Variants in FBXL13 observed in about 807,000 individuals in gnomAD.
FBXL13 encodes F-box and leucine rich repeat protein 13.
In FBXL13, 67 loss-of-function variants were observed where a neutral mutation model predicts 83.6. That is an observed-to-expected ratio of 0.80 (90% CI 0.66 to 0.98). FBXL13 has a LOEUF of 0.98. Ranked by LOEUF, FBXL13 falls within the 50% of genes least tolerant of loss-of-function variation. The pLI, the probability that FBXL13 is intolerant of heterozygous loss-of-function variation, is 0.00. For synonymous variants in FBXL13, 272 were observed against 299.5 expected (o/e 0.91, Z 0.95); for missense variants, 822 against 866.5 (o/e 0.95, Z 0.64).
chr7:102,869,735 T>C (rs549409757), intron 16 of FBXL13, among the ~76,000 whole-genome samples: 1 of 152,344 alleles, frequency 6.6e-6, no homozygotes, highest in East Asian at 1.9e-4. Flanking sequence ...GAAGAGAATG[T>C]TCTTTCCCCA....
intron 2 of FBXL13, among the ~76,000 whole-genome samples, chr7:103,047,514 C>T (rs748954858): frequency 1.6e-4 from 24 of 152,160 alleles, no homozygotes; most frequent in Non-Finnish European, 3.2e-4. Flanking sequence ...GCTGGTTTAA[C>T]ATGAAAATCT....
chr7:102,994,614 A>C (rs1829906555), intron 6 of FBXL13, among the ~76,000 whole-genome samples: 1 of 152,242 alleles, frequency 6.6e-6, no homozygotes, highest in African/African-American at 2.4e-5. Context: ...CAGTGGAAAC[A>C]AAAGATACAT....
intron 19 of FBXL13, among the ~76,000 whole-genome samples, chr7:102,818,552 A>C (rs561843385): frequency 6.6e-6 from 1 of 152,288 alleles, no homozygotes; most frequent in African/African-American, 2.4e-5. Context: ...GCTAGAGAGG[A>C]GAACTCTGAT....
chr7:102,812,909 C>G (rs1012137698), downstream of FBXL13, among the ~76,000 whole-genome samples: 2 of 140,286 alleles, frequency 1.4e-5, no homozygotes, highest in Non-Finnish European at 3.0e-5. Context: ...GTGACGTGAT[C>G]TAGGCTCACT....
intron 11 of FBXL13, among the ~76,000 whole-genome samples, chr7:102,893,781 AAAAG>A (rs1265252765): frequency 5.3e-5 from 8 of 150,046 alleles, no homozygotes; most frequent in Non-Finnish European, 8.9e-5. Context: ...AAAAAAAAAA[AAAAG>A]AAAGAAAGGA....
chr7:102,943,572 C>G (rs1303281853), intron 8 of FBXL13, among the ~76,000 whole-genome samples: 2 of 152,118 alleles, frequency 1.3e-5, no homozygotes, highest in African/African-American at 4.8e-5. Flanking sequence ...AAGCATTAAA[C>G]CAGAATGTGA....
chr7:102,880,816 A>G lies in FBXL13; in HGVS notation c.1389-2366T>C, dbSNP rs139613350. ...CTACCTGAGACCACTCTGCCCCCTT[A>G]AAGAGGTACAAACCCTACAGAAGTC... On this transcript the variant is annotated intron_variant, in intron 14 of 19. Coordinates refer to ENST00000313221, the Ensembl canonical transcript of FBXL13. Among the ~76,000 whole-genome samples the G allele has an allele frequency of 2.5e-3, 386 of 152,294 alleles. 3 individuals are homozygous for G. The highest frequency in any genetic ancestry group is 8.8e-3 in the African/African-American group (364 of 41,546).
chr7:102,907,574 G>GGT (rs1015548243), intron 11 of FBXL13, among the ~76,000 whole-genome samples: 3 of 150,726 alleles, frequency 2.0e-5, no homozygotes, highest in African/African-American at 7.3e-5. Context: ...TGCGATGTTT[G>GGT]GTTTTCTGTC....
intron 16 of FBXL13, among the ~76,000 whole-genome samples, chr7:102,857,025 GA>G (rs1477811341): frequency 6.6e-6 from 1 of 152,160 alleles, no homozygotes; most frequent in African/African-American, 2.4e-5. Flanking sequence ...GGGAGAACTT[GA>G]TATCTGTATC....
intron 1 of FBXL13, among the ~76,000 whole-genome samples, chr7:103,070,527 A>G (rs1188746555): frequency 6.6e-6 from 1 of 152,198 alleles, no homozygotes; most frequent in East Asian, 1.9e-4. Context: ...TAAAATAACA[A>G]CCATCAACAT....
intron 2 of FBXL13, among the ~76,000 whole-genome samples, chr7:103,050,392 A>G (rs906279727): frequency 2.6e-5 from 4 of 152,212 alleles, no homozygotes; most frequent in African/African-American, 9.6e-5. Context: ...GCCAAGCTGC[A>G]TCATAAAGGA....
intron 19 of FBXL13, among the ~76,000 whole-genome samples, chr7:102,819,438 T>C (rs1798496690): frequency 6.6e-6 from 1 of 152,160 alleles, no homozygotes; most frequent in Admixed American, 6.5e-5. Flanking sequence ...GCCAATTTGC[T>C]CATTGACCAA....
intron 11 of FBXL13, among the ~76,000 whole-genome samples, chr7:102,899,300 TG>T (rs1299967837): frequency 1.3e-5 from 2 of 152,238 alleles, no homozygotes; most frequent in African/African-American, 2.4e-5. Context: ...ATTGCAATGA[TG>T]GAGACCCAAC....
At chr7:103,049,567 CCA>C in intron 2 of FBXL13, among the ~76,000 whole-genome samples, 1 of 152,260 alleles carries the variant, frequency 6.6e-6, no homozygotes, top group South Asian at 2.1e-4. Flanking sequence ...TTTCCATTCA[CCA>C]GTTTTTAAGT....
At chr7:103,011,940 T>C (rs1199263747) in intron 6 of FBXL13, among the ~76,000 whole-genome samples, 1 of 152,060 alleles carries the variant, frequency 6.6e-6, no homozygotes, top group Non-Finnish European at 1.5e-5. Flanking sequence ...TTTCAGGATA[T>C]CGTCCATGAA....
intron 1 of FBXL13, among the ~76,000 whole-genome samples, chr7:103,062,385 TTATA>T (rs1394690070): frequency 6.6e-6 from 1 of 152,216 alleles, no homozygotes; most frequent in Non-Finnish European, 1.5e-5. Flanking sequence ...TAAGGCTTTA[TTATA>T]TGAGTTCCTA....
At chr7:103,073,086 A>G (rs1264912297) in intron 1 of FBXL13, among the ~76,000 whole-genome samples, 1 of 152,224 alleles carries the variant, frequency 6.6e-6, no homozygotes, top group Non-Finnish European at 1.5e-5. Context: ...AATTAAAACA[A>G]TACAGCTATG....
At chr7:102,867,695 A>ATATATATTTT (rs1239781180) in intron 16 of FBXL13, among the ~76,000 whole-genome samples, 1 of 49,064 alleles carries the variant, frequency 2.0e-5, no homozygotes, top group African/African-American at 1.2e-4. Context: ...ATATATATAT[A>ATATATATTTT]TTTTTTTTTT....
rs1239782748 is a variant in FBXL13, at chr7:103,047,163, TTTGA to T, written c.-1+8477_-1+8480del. The stretch of plus-strand genomic sequence containing the variant: ...CCTGATAGCCAAGCGTACATGAAGG[TTTGA>T]TTGTCTTCCCAGGAATATGGAACCA... On this transcript the variant is annotated intron_variant, in intron 2 of 19. Transcript: ENST00000313221. The T allele has an allele frequency of 7.2e-5, 11 of 152,190 alleles. No homozygotes were observed. In the South Asian group the frequency reaches 1.0e-3, roughly 14 times the overall value. The allele number at this position is 152,190 out of a possible 1,614,324, so 9.4% of individuals were successfully genotyped here. A position where few individuals can be genotyped will look rare whatever the true frequency, so the allele number is the denominator to read the frequency against.
Sources: allele counts gnomAD v4.1 joint callset (sites outside exome capture counted in the v4.1 genomes callset), GRCh38; gene constraint gnomAD v4.1.1; transcripts MANE v1.5; gene names NCBI Gene and HGNC (gene_info 2026-07-23, HGNC 2026-07-21).